The following NIM1K variants were observed in gnomAD, a reference collection of about 807,000 sequenced individuals.
NIM1K encodes serine/threonine-protein kinase NIM1.
Under a neutral mutation model 37.1 loss-of-function variants are expected in NIM1K, and 35 were observed. That is an observed-to-expected ratio of 0.94 (90% CI 0.72 to 1.25). The LOEUF (loss-of-function observed/expected upper bound fraction) is 1.25. Ranked by LOEUF, NIM1K falls within the 50% of genes most tolerant of loss-of-function variation. The pLI is 0.00. For missense variants in NIM1K, 564 were observed against 548.0 expected, an observed-to-expected ratio of 1.03 and a Z score of -0.29; for synonymous variants, 234 against 206.6, an observed-to-expected ratio of 1.13 and a Z score of -1.14.
chr5:43,280,519 A>C lies in NIM1K; in HGVS notation c.1101A>C (p.Thr367=). The C allele has an allele frequency of 2.5e-6, 4 of 1,614,230 alleles. No individual in the cohort carries two copies. The highest frequency in any genetic ancestry group is 3.4e-6 in the Non-Finnish European group (4 of 1,180,034). The part of the protein sequence containing the change: ...VKSTLEHLGI[T]EEHIRNNQGR... The stretch of plus-strand genomic sequence containing the variant: ...GCACTTTAGAACATTTGGGCATTAC[A>C]GAAGAGCATATTCGAAATAACCAAG... Residue 367 remains threonine, a synonymous_variant, in exon 4 of 4, where the codon ACA becomes ACC. Transcript: ENST00000326035.
intron 1 of NIM1K, among the ~76,000 whole-genome samples, chr5:43,195,523 G>A (rs1278530434): frequency 6.6e-6 from 1 of 152,050 alleles, no homozygotes. Context: ...AGCTGGGTGT[G>A]GTGGTGCATG....
intron 2 of NIM1K, among the ~76,000 whole-genome samples, chr5:43,264,391 C>G (rs1211391643): frequency 6.6e-6 from 1 of 152,074 alleles, no homozygotes; most frequent in Non-Finnish European, 1.5e-5. Context: ...TTCTTTGTCT[C>G]TTTTGATCTT....
chr5:43,238,286 C>T (rs1304577419), intron 1 of NIM1K, among the ~76,000 whole-genome samples: 2 of 151,880 alleles, frequency 1.3e-5, no homozygotes, highest in African/African-American at 2.4e-5. Flanking sequence ...TTGTGATCTG[C>T]CCGCCTTCAG....
At chr5:43,213,206 TTTC>T (rs1752236828) in intron 1 of NIM1K, among the ~76,000 whole-genome samples, 1 of 49,624 alleles carries the variant, frequency 2.0e-5, no homozygotes, top group Admixed American at 1.6e-4. Flanking sequence ...TCTTTCTTTC[TTTC>T]TTTCTTTCTT....
At chr5:43,230,508 T>A (rs750569735) in intron 1 of NIM1K, among the ~76,000 whole-genome samples, 1 of 152,128 alleles carries the variant, frequency 6.6e-6, no homozygotes, top group African/African-American at 2.4e-5. Flanking sequence ...CAGTCCTCAG[T>A]TGGATAGCAA....
intron 1 of NIM1K, among the ~76,000 whole-genome samples, chr5:43,218,211 A>G (rs1435735970): frequency 1.3e-5 from 2 of 151,582 alleles, no homozygotes; most frequent in African/African-American, 4.9e-5. Flanking sequence ...GGGTTTCACC[A>G]TGTTGGTCAG....
intron 2 of NIM1K, among the ~76,000 whole-genome samples, chr5:43,267,059 G>C (rs1312705865): frequency 6.6e-6 from 1 of 152,128 alleles, no homozygotes; most frequent in East Asian, 1.9e-4. Context: ...GTAGAATTCA[G>C]CTATGAATCC....
At chr5:43,206,689 T>C in intron 1 of NIM1K, 1 of 694,660 alleles carries the variant, frequency 1.4e-6, no homozygotes, top group Non-Finnish European at 2.7e-6. Flanking sequence ...CCCCCAGGTA[T>C]GGCACAGGGC....
At chr5:43,202,417 CAAAGT>C (rs1752044175) in intron 1 of NIM1K, among the ~76,000 whole-genome samples, 1 of 152,120 alleles carries the variant, frequency 6.6e-6, no homozygotes, top group African/African-American at 2.4e-5. Context: ...CTGAAAGAGA[CAAAGT>C]AAAGACATTT....
At chr5:43,257,056 A>C (rs529332120) in intron 2 of NIM1K, among the ~76,000 whole-genome samples, 26 of 151,884 alleles carry the variant, frequency 1.7e-4, no homozygotes, top group Non-Finnish European at 3.7e-4. Flanking sequence ...AGGTCTAAGA[A>C]CTAAGCCTTC....
chr5:43,265,490 A>G (rs545039198), intron 2 of NIM1K, among the ~76,000 whole-genome samples: 4 of 152,216 alleles, frequency 2.6e-5, no homozygotes, highest in Admixed American at 6.5e-5. Flanking sequence ...GGTCTTCTCT[A>G]TGCTTTTTAT....
intron 1 of NIM1K, among the ~76,000 whole-genome samples, chr5:43,199,311 A>G (rs537865701): frequency 3.3e-5 from 5 of 150,452 alleles, no homozygotes; most frequent in African/African-American, 1.2e-4. Context: ...AAGTAGTTGA[A>G]ATGAAATAAT....
intron 1 of NIM1K, among the ~76,000 whole-genome samples, chr5:43,244,729 A>C (rs1051534297): frequency 2.6e-5 from 4 of 152,236 alleles, no homozygotes; most frequent in African/African-American, 9.6e-5. Flanking sequence ...AAATTTTGAA[A>C]ACCATTAGTA....
At chr5:43,246,147 G>A in intron 2 of NIM1K, 80 bp downstream of exon 2, 1 of 1,319,842 alleles carries the variant, frequency 7.6e-7, no homozygotes, top group Non-Finnish European at 1.0e-6. Flanking sequence ...CCAGGGCCAA[G>A]GAAGCAAGTA....
At chr5:43,271,536 C>A (rs896882460) in intron 2 of NIM1K, among the ~76,000 whole-genome samples, 5 of 152,074 alleles carry the variant, frequency 3.3e-5, no homozygotes, top group Non-Finnish European at 5.9e-5. Context: ...TTTTATTATG[C>A]ACATGCAGTT....
rs201681485 is a variant in NIM1K at position 43,277,175 on chromosome 5, C to T, written c.411C>T (p.Tyr137=). 474 of 1,614,092 alleles carry T rather than the reference C, an allele frequency of 2.9e-4. No homozygotes were observed. Among genetic ancestry groups the T allele is most frequent in the Non-Finnish European group, 3.8e-4 (454 of 1,180,008 alleles). ...KLHHPNIIRL[Y]EVVETLSKLH... is the part of the protein sequence containing the mutation. ...ACCATCCCAACATCATCCGCCTTTA[C>T]GAAGTGGTGGAGACCCTATCCAAGC... Residue 137 remains tyrosine, a synonymous_variant, in exon 3 of 4, where the codon TAC becomes TAT. Coordinates refer to ENST00000326035, the MANE Select transcript of NIM1K (RefSeq NM_153361.4).
chr5:43,279,727 T>TAGTTTCTGAGTCCACATGTGTGGAACA (rs1438654788), intron 3 of NIM1K, among the ~76,000 whole-genome samples: 1 of 152,256 alleles, frequency 6.6e-6, no homozygotes, highest in Non-Finnish European at 1.5e-5. Flanking sequence ...TTTCTGGTGT[T>TAGTTTCTGAGTCCACATGTGTGGAACA]AGTTTCTGAG....
intron 1 of NIM1K, among the ~76,000 whole-genome samples, chr5:43,217,605 G>A (rs1752318918): frequency 6.6e-6 from 1 of 151,874 alleles, no homozygotes. Context: ...TCTGATTGTG[G>A]TTTTGCATTA....
chr5:43,193,266 CCTTT>C (rs1009145308), intron 1 of NIM1K: 14 of 152,100 alleles, frequency 9.2e-5, no homozygotes, highest in Middle Eastern at 3.3e-3. Flanking sequence ...GCACTTCTTT[CCTTT>C]CTGTTTTTTC....
Sources: allele counts gnomAD v4.1 joint callset (sites outside exome capture counted in the v4.1 genomes callset), GRCh38; gene constraint gnomAD v4.1.1; transcripts MANE v1.5; gene names NCBI Gene and HGNC (gene_info 2026-07-23, HGNC 2026-07-21).